Variants in FDXR observed in about 807,000 individuals in gnomAD.
The protein encoded by FDXR is ferredoxin reductase.
A neutral mutation model predicts 58.3 loss-of-function variants in FDXR; 38 were observed. The observed-to-expected ratio is 0.65, with a 90% CI of 0.50 to 0.85. The LOEUF is 0.85. Ranked by LOEUF, FDXR falls within the 40% of genes least tolerant of loss-of-function variation. The probability of loss-of-function intolerance (pLI) is 0.00; values close to 1 mark genes in which losing one functional copy is unlikely to be tolerated. For synonymous variants in FDXR, 275 were observed against 273.8 expected, an observed-to-expected ratio of 1.00 and a Z score of -0.04; for missense variants, 624 against 671.0, an observed-to-expected ratio of 0.93 and a Z score of 0.77.
At chr17:74,864,420 C>T in intron 8 of FDXR, 60 bp downstream of exon 8, 1 of 1,607,258 alleles carries the variant, frequency 6.2e-7, no homozygotes, top group Middle Eastern at 1.7e-4. Flanking sequence ...TTCCCCAATC[C>T]CTCTCTGACC....
At chr17:74,872,545 C>A (rs2038408543) in intron 1 of FDXR, 3 of 622,366 alleles carry the variant, frequency 4.8e-6, no homozygotes, top group African/African-American at 3.7e-5. Flanking sequence ...CCGTCTTATT[C>A]CTACAGATCC....
rs985997133 is a variant in FDXR at position 74,869,932 on chromosome 17, TG to T, written c.177+2103del. Reference sequence around the variant, plus strand: ...CGGTGGAAGCTTGGACAACCTCACTTGGCCCTAGCATCCTTACCTGTGAAGC... The same window carrying T: ...CGGTGGAAGCTTGGACAACCTCACTTGCCCTAGCATCCTTACCTGTGAAGC... On this transcript the variant is annotated intron_variant, in intron 2 of 11. Transcript: ENST00000293195. 9 of 451,300 alleles carry T rather than the reference TG, an allele frequency of 2.0e-5. No homozygotes were observed. In the Admixed American group the frequency reaches 2.1e-4, roughly 11 times the overall value. 28.0% of individuals were successfully genotyped at this position (451,300 alleles called of 1,614,324 possible).
In FDXR at chr17:74,866,490, CGT is replaced by C; in HGVS notation, c.347_348del (p.Asp116GlyfsTer30). ...GCCTCCTGCAGCTCCGGCACCGTCA[CGT>C]CCCTGCCCACCTCCACGTTGCCCCA... ...AFWGNVEVGR[D>X]VTVPELQEAY... On this transcript the variant is annotated frameshift_variant, in exon 4 of 12. Coordinates refer to ENST00000293195, the MANE Select transcript of FDXR (RefSeq NM_024417.5). LOFTEE classifies it high-confidence loss of function. The C allele has an allele frequency of 6.2e-7, 1 of 1,613,690 alleles. No individual in the cohort carries two copies. The highest frequency in any genetic ancestry group is 8.5e-7 in the Non-Finnish European group (1 of 1,179,964).
chr17:74,865,305 T>C (rs521002), intron 6 of FDXR, among the ~76,000 whole-genome samples: 127,161 of 151,952 alleles, frequency 0.84, 53,880 homozygotes, highest in African/African-American at 0.96. Context: ...GTAAAATTGC[T>C]GTGGCGATGA....
In FDXR at chr17:74,863,260, A is replaced by G. The variant is rs367688801; in HGVS notation, c.1175-14T>C. On this transcript the variant is annotated splice_polypyrimidine_tract_variant and intron_variant, in intron 10 of 11. Transcript: ENST00000293195. ...TGCAGTAGAGGCCTGAGAGGGGGTA[A>G]CAAAAGGGGAAGGGAGGGAGGTGGC... is the stretch of plus-strand genomic sequence containing the variant. 8.1e-6 allele frequency: 13 copies of G among 1,607,392 alleles called. No individual in the cohort carries two copies. Among genetic ancestry groups the G allele is most frequent in the East Asian group, 2.2e-5 (1 of 44,674 alleles).
chr17:74,866,622 C>G lies in FDXR; in HGVS notation c.271-54G>C. Reference sequence around the variant, plus strand: ...TTAGAGGGTAAGGCAGCTCCAGGGACCAAGTCTGCACCACCCTCACCACTC... The same window carrying G: ...TTAGAGGGTAAGGCAGCTCCAGGGAGCAAGTCTGCACCACCCTCACCACTC... On this transcript the variant is annotated intron_variant, in intron 3 of 11. Transcript: ENST00000293195. 6.2e-6 allele frequency: 10 copies of G among 1,611,670 alleles called. No individual in the cohort carries two copies. In the South Asian group the frequency reaches 8.8e-5, roughly 14 times the overall value.
chr17:74,867,300 C>CT (rs1805381408), intron 2 of FDXR, among the ~76,000 whole-genome samples: 1 of 102,698 alleles, frequency 9.7e-6, no homozygotes, highest in Non-Finnish European at 1.7e-5. Flanking sequence ...GAGCAAGACT[C>CT]TGTCTCAAAA....
intron 2 of FDXR, among the ~76,000 whole-genome samples, chr17:74,871,305 C>A (rs185571993): frequency 1.3e-5 from 2 of 152,300 alleles, no homozygotes; most frequent in African/African-American, 4.8e-5. Flanking sequence ...AGTTGGTCAC[C>A]CTACATTTCA....
chr17:74,872,235 A>C, intron 1 of FDXR, 102 bp from the exon 2 acceptor site: 1 of 1,546,058 alleles, frequency 6.5e-7, no homozygotes, highest in African/African-American at 1.4e-5. Flanking sequence ...CCCAAGCTTC[A>C]CCCTCACCTG....
Position 74,865,738 on chromosome 17 carries a change from G to T in FDXR, c.590C>A (p.Thr197Asn), listed in dbSNP as rs769645302. 2 of 1,612,140 alleles carry T rather than the reference G, an allele frequency of 1.2e-6. No individual in the cohort carries two copies. The highest frequency in any genetic ancestry group is 4.5e-5 in the East Asian group (2 of 44,842). ...VALDVARILL[T>N]PPEHLERTDI... The stretch of plus-strand genomic sequence containing the variant: ...ACTCACCTCCAGGTGCTCAGGTGGG[G>T]TCAGTAGGATGCGGGCCACGTCCAG... The change falls in exon 6 of 12, where the codon ACC becomes AAC. Residue 197 changes from threonine (T) to asparagine (N), a missense_variant. Physicochemically the swap from Thr to Asn is moderately conservative, Grantham distance 65 (BLOSUM62 0). Transcript: ENST00000293195.
intron 10 of FDXR, 89 bp from the exon 11 acceptor site, chr17:74,863,335 GCACA>G (rs1391627446): frequency 5.5e-6 from 7 of 1,274,096 alleles, no homozygotes; most frequent in African/African-American, 1.5e-5. Context: ...CCACGTGCAC[GCACA>G]CAGACACCCC....
Position 74,863,203 on chromosome 17 carries a change from G to T in FDXR, c.1218C>A (p.Val406=), listed in dbSNP as rs202178082. The T allele has an allele frequency of 9.3e-6, 15 of 1,613,642 alleles. No homozygotes were observed. The highest frequency in any genetic ancestry group is 1.3e-5 in the Non-Finnish European group (15 of 1,179,914). ...AGCTGTCAGTCATGGTTGTGGCTAT[G>T]ACACCTGTAGGTCCTCTCTTCACCC... The part of the protein sequence containing the change: ...SGWVKRGPTG[V]IATTMTDSFL... Residue 406 remains valine, a synonymous_variant, in exon 11 of 12, where the codon GTC becomes GTA. Transcript: ENST00000293195.
intron 2 of FDXR, 25 bp downstream of exon 2, chr17:74,872,011 G>A (rs2038388765): frequency 5.2e-6 from 8 of 1,528,508 alleles, no homozygotes; most frequent in Non-Finnish European, 7.1e-6. Context: ...GCAGGTGAAT[G>A]ATGGACTATG....
Position 74,866,677 on chromosome 17 carries a change from T to C in FDXR, c.270+107A>G, listed in dbSNP as rs775388201. 2.0e-4 allele frequency: 317 copies of C among 1,587,392 alleles called. 1 individual carries two copies. The highest frequency in any genetic ancestry group is 2.5e-4 in the Non-Finnish European group (285 of 1,158,430). ...TCCCCAGGAGGGAAGCTGGGTGGCA[T>C]GGGCACAGACGGCATGAAGTCCTGT... On this transcript the variant is annotated intron_variant, in intron 3 of 11. Coordinates refer to ENST00000293195, the MANE Select transcript of FDXR (RefSeq NM_024417.5).
chr17:74,868,289 C>T, intron 2 of FDXR: 1 of 586,602 alleles, frequency 1.7e-6, no homozygotes, highest in African/African-American at 1.9e-5. Flanking sequence ...AGCTCTAGCA[C>T]TAGCTGGCTC....
At chr17:74,868,483 C>G in intron 2 of FDXR, 1 of 1,074,468 alleles carries the variant, frequency 9.3e-7, no homozygotes, top group South Asian at 1.3e-5. Flanking sequence ...TCGCTGGGGC[C>G]CAGTGCCACA....
At chr17:74,872,385 C>A (rs1339352924) in intron 1 of FDXR, 2 of 937,902 alleles carry the variant, frequency 2.1e-6, no homozygotes, top group South Asian at 3.1e-5. Flanking sequence ...GCCTGCCCAA[C>A]AACACTTCAT....
rs2038023959 is a variant in FDXR, at chr17:74,862,957, AGG to A, written c.1346-12_1346-11del. ...GAGACTGGCCGGACCCCTGAAGCAG[AGG>A]GGAGATTGTCAACACCTCCTCCTTC... On this transcript the variant is annotated splice_polypyrimidine_tract_variant and intron_variant, in intron 11 of 11. Transcript: ENST00000293195. 1 of 1,609,264 alleles carries A rather than the reference AGG, an allele frequency of 6.2e-7. No individual in the cohort carries two copies. Among genetic ancestry groups the A allele is most frequent in the Non-Finnish European group, 8.5e-7 (1 of 1,179,742 alleles).
intron 10 of FDXR, 139 bp downstream of exon 10, chr17:74,863,757 C>T (rs2038059315): frequency 7.5e-6 from 8 of 1,065,830 alleles, no homozygotes; most frequent in Admixed American, 2.3e-5. Context: ...AGGAGGGCGG[C>T]ACTGGGTCCT....
Sources: allele counts gnomAD v4.1 joint callset (sites outside exome capture counted in the v4.1 genomes callset), GRCh38; gene constraint gnomAD v4.1.1; transcripts MANE v1.5; gene names NCBI Gene and HGNC (gene_info 2026-07-23, HGNC 2026-07-21).